Variants in NALCN observed in about 807,000 individuals in gnomAD.
NALCN encodes sodium leak channel, non-selective, also known as sodium leak channel NALCN.
In NALCN, 111 loss-of-function variants were observed where a neutral mutation model predicts 225.3. The ratio of observed to expected loss-of-function variants is 0.49; its 90% CI spans 0.42 to 0.58. The LOEUF is 0.58. NALCN is among the 20% of genes least tolerant of loss of function. The pLI is 0.00. For missense variants in NALCN, 1,378 were observed against 2,202.4 expected (o/e 0.63, Z 7.49); for synonymous variants, 764 against 769.0 (o/e 0.99, Z 0.11).
chr13:101,187,993 C>G (rs2039518643), intron 14 of NALCN, among the ~76,000 whole-genome samples: 1 of 152,006 alleles, frequency 6.6e-6, no homozygotes, highest in South Asian at 2.1e-4. Context: ...GCTTGCAGGT[C>G]CCTAGTATAG....
rs984728572 is a variant in NALCN at position 101,326,786 on chromosome 13, G to C, written c.799+18480C>G. 2.6e-5 allele frequency among the ~76,000 whole-genome samples: 4 copies of C among 152,178 alleles called. No homozygotes were observed. In the South Asian group the frequency reaches 8.3e-4, roughly 32 times the overall value. On this transcript the variant is annotated intron_variant, in intron 7 of 43. Transcript: ENST00000251127. ...AGGCAATTTGGGCTAGGGTCAGATG[G>C]GTGATTCTTCTGCTGATCTCAGCTG...
intron 6 of NALCN, among the ~76,000 whole-genome samples, chr13:101,351,664 C>T (rs1425425682): frequency 6.6e-6 from 1 of 152,138 alleles, no homozygotes; most frequent in African/African-American, 2.4e-5. Flanking sequence ...CTTCAGTTTC[C>T]TCATCTGAAA....
chr13:101,320,940 T>G (rs2044725515), intron 7 of NALCN, among the ~76,000 whole-genome samples: 1 of 152,150 alleles, frequency 6.6e-6, no homozygotes. Context: ...GAAAGGGCAA[T>G]GAGATTTGCC....
chr13:101,074,371 T>C (rs1053315489), intron 36 of NALCN, 143 bp downstream of exon 36: 66 of 664,564 alleles, frequency 9.9e-5, no homozygotes, highest in Non-Finnish European at 1.4e-4. Context: ...ATTTAAAACT[T>C]GGCTATTTTA....
chr13:101,123,832 C>T (rs929805677), intron 18 of NALCN, among the ~76,000 whole-genome samples: 1 of 152,154 alleles, frequency 6.6e-6, no homozygotes, highest in South Asian at 2.1e-4. Context: ...GCATTAATGT[C>T]TATTCCTAGT....
chr13:101,301,445 G>A (rs779921815), intron 7 of NALCN, among the ~76,000 whole-genome samples: 1 of 152,164 alleles, frequency 6.6e-6, no homozygotes, highest in Non-Finnish European at 1.5e-5. Flanking sequence ...AAGAAAGGCC[G>A]GGCGCAGTGG....
intron 1 of NALCN, among the ~76,000 whole-genome samples, chr13:101,405,244 T>C (rs2047583895): frequency 6.6e-6 from 1 of 152,226 alleles, no homozygotes. Flanking sequence ...TCTGTAAAGT[T>C]TGACTGTCAA....
At chr13:101,270,969 C>T (rs2042757312) in intron 10 of NALCN, among the ~76,000 whole-genome samples, 1 of 152,190 alleles carries the variant, frequency 6.6e-6, no homozygotes, top group Non-Finnish European at 1.5e-5. Context: ...TTTAAAAATG[C>T]TTGGCATAAG....
chr13:101,073,494 C>T (rs1049613548), intron 37 of NALCN, 90 bp downstream of exon 37: 46 of 1,073,424 alleles, frequency 4.3e-5, no homozygotes, highest in Middle Eastern at 2.0e-4. Flanking sequence ...AAAGTCTTAA[C>T]GCTAACAAGG....
chr13:101,413,658 T>C (rs2047850573), intron 1 of NALCN, among the ~76,000 whole-genome samples: 1 of 152,190 alleles, frequency 6.6e-6, no homozygotes, highest in African/African-American at 2.4e-5. Context: ...ATTGTGGTCA[T>C]CTGTCTTCGG....
intron 15 of NALCN, among the ~76,000 whole-genome samples, chr13:101,173,965 G>A (rs563983496): frequency 3.9e-5 from 6 of 152,216 alleles, no homozygotes; most frequent in Non-Finnish European, 7.4e-5. Flanking sequence ...ATATGCAAAT[G>A]AGCCCTACCT....
chr13:101,355,712 A>C (rs1354084339), intron 6 of NALCN, among the ~76,000 whole-genome samples: 4 of 152,200 alleles, frequency 2.6e-5, no homozygotes, highest in Non-Finnish European at 5.9e-5. Flanking sequence ...ATGGACATCT[A>C]TAGAACTCTC....
chr13:101,183,794 T>G (rs1165030278), intron 14 of NALCN, among the ~76,000 whole-genome samples: 1 of 152,054 alleles, frequency 6.6e-6, no homozygotes, highest in Non-Finnish European at 1.5e-5. Context: ...GGATATACTA[T>G]GTCCCTATTT....
chr13:101,230,292 T>C (rs2041294571), intron 12 of NALCN, among the ~76,000 whole-genome samples: 2 of 152,184 alleles, frequency 1.3e-5, no homozygotes, highest in Non-Finnish European at 2.9e-5. Context: ...TTTTCCTAGG[T>C]ATTATTAGAA....
chr13:101,149,832 G>C (rs1245951099), intron 15 of NALCN, among the ~76,000 whole-genome samples: 1 of 152,206 alleles, frequency 6.6e-6, no homozygotes, highest in African/African-American at 2.4e-5. Context: ...TGCACTCTTT[G>C]CTGTTATTAA....
intron 15 of NALCN, among the ~76,000 whole-genome samples, chr13:101,171,094 C>T (rs1203927014): frequency 6.6e-6 from 1 of 151,960 alleles, no homozygotes; most frequent in Non-Finnish European, 1.5e-5. Flanking sequence ...AGCCTCTATA[C>T]CAACTGATTT....
chr13:101,370,260 A>G (rs2139397719), intron 6 of NALCN, among the ~76,000 whole-genome samples: 2 of 152,018 alleles, frequency 1.3e-5, no homozygotes, highest in Middle Eastern at 3.4e-3. Context: ...GATGGACTAC[A>G]CCAAATTCAA....
chr13:101,130,489 T>C (rs543204582), intron 17 of NALCN, among the ~76,000 whole-genome samples: 7 of 152,362 alleles, frequency 4.6e-5, no homozygotes, highest in African/African-American at 1.7e-4. Flanking sequence ...ATTTAGGTTA[T>C]CTGAGGCATG....
At chr13:101,245,269 G>A (rs1312523414) in intron 11 of NALCN, among the ~76,000 whole-genome samples, 1 of 152,136 alleles carries the variant, frequency 6.6e-6, no homozygotes, top group Non-Finnish European at 1.5e-5. Flanking sequence ...TAAGAGTTAA[G>A]ACAAAATTTG....
Sources: gnomAD v4.1 joint callset for allele counts (sites outside exome capture counted in the v4.1 genomes callset) on GRCh38, gnomAD v4.1.1 for gene constraint, MANE v1.5 for transcripts, NCBI Gene and HGNC (gene_info 2026-07-23, HGNC 2026-07-21) for gene names.